DTNA: variants seen among roughly 807,000 people sequenced by gnomAD.
DTNA encodes dystrophin-related protein 3.
DTNA carries 43 observed loss-of-function variants against 100.7 expected under a neutral mutation model. That is an observed-to-expected ratio of 0.43 (90% CI 0.33 to 0.55). The LOEUF is 0.55. Ranked by LOEUF, DTNA falls within the 20% of genes least tolerant of loss-of-function variation. The probability of loss-of-function intolerance (pLI) is 0.04; values close to 1 mark genes in which losing one functional copy is unlikely to be tolerated. For missense variants in DTNA, 798 were observed against 953.9 expected (o/e 0.84, Z 2.15); for synonymous variants, 349 against 347.9 (o/e 1.00, Z -0.04).
At chr18:34,799,333 G>A (rs1315693028) in intron 4 of DTNA, among the ~76,000 whole-genome samples, 1 of 152,124 alleles carries the variant, frequency 6.6e-6, no homozygotes, top group Non-Finnish European at 1.5e-5. Context: ...CAAATGCATG[G>A]ATATGAAATG....
At chr18:34,783,989 AT>A (rs1373883739) in intron 3 of DTNA, among the ~76,000 whole-genome samples, 1 of 152,166 alleles carries the variant, frequency 6.6e-6, no homozygotes, top group African/African-American at 2.4e-5. Flanking sequence ...GTCTAACTCC[AT>A]TCTTTAAGTT....
rs1228479839 is a variant in DTNA, at chr18:34,879,685, A to G, written c.2128A>G (p.Ser710Gly). The G allele has an allele frequency of 3.7e-6, 6 of 1,614,004 alleles. No homozygotes were observed. The highest frequency in any genetic ancestry group is 2.7e-5 in the African/African-American group (2 of 74,906). ...TGCCCGAAAACCTGGGTACATTCAC[A>G]GTGGAGCTACCACAAGTACCATGCG... ...IHARKPGYIHSGATTSTMRGD... is the reference protein window; with the variant it reads ...IHARKPGYIHGGATTSTMRGD... The change falls in exon 20 of 23, where the codon AGT becomes GGT. Residue 710 changes from serine (S) to glycine (G), a missense_variant. By Grantham distance (56) the Ser-to-Gly change is moderately conservative. This residue lies in a region of DTNA where 242 missense variants were observed against 238.2 expected (regional missense o/e 1.02). Coordinates refer to ENST00000444659, the MANE Select transcript of DTNA (RefSeq NM_001386795.1).
chr18:34,638,090 T>A (rs1054644198), intron 1 of DTNA, among the ~76,000 whole-genome samples: 1 of 152,216 alleles, frequency 6.6e-6, no homozygotes, highest in African/African-American at 2.4e-5. Context: ...AGAAATTAAA[T>A]GAAGTAATGG....
At chr18:34,497,513 C>T (rs1432244352) in intron 1 of DTNA, among the ~76,000 whole-genome samples, 3 of 152,122 alleles carry the variant, frequency 2.0e-5, no homozygotes, top group African/African-American at 7.2e-5. Context: ...GGAGAGTAAC[C>T]TTAACCACTG....
At chr18:34,765,884 G>T in intron 2 of DTNA, 77 bp from the exon 3 acceptor site, 3 of 1,402,244 alleles carry the variant, frequency 2.1e-6, no homozygotes, top group Non-Finnish European at 3.0e-6. Flanking sequence ...CATATCTACA[G>T]TTGTTTTATT....
chr18:34,730,954 C>T (rs1157930886), intron 1 of DTNA, among the ~76,000 whole-genome samples: 2 of 152,104 alleles, frequency 1.3e-5, no homozygotes, highest in African/African-American at 4.8e-5. Flanking sequence ...GCTTTTTTCA[C>T]CCTTCACATA....
chr18:34,667,963 T>A (rs903704719), intron 1 of DTNA, among the ~76,000 whole-genome samples: 1 of 152,196 alleles, frequency 6.6e-6, no homozygotes, highest in Admixed American at 6.5e-5. Context: ...GAGGATTCCC[T>A]CTTTTTCTAT....
chr18:34,889,104 A>G lies in DTNA; in HGVS notation c.*1370A>G. The G allele has an allele frequency of 1.0e-6, 1 of 984,438 alleles. No individual in the cohort carries two copies. The highest frequency in any genetic ancestry group is 4.7e-5 in the South Asian group (1 of 21,248). The allele number at this position is 984,438 out of a possible 1,614,324, so 61.0% of individuals were successfully genotyped here. On this transcript the variant is annotated 3_prime_UTR_variant, in exon 23 of 23. Transcript: ENST00000444659. ...GGAATTCTGGGGAAAAAGAAAAAGT[A>G]ATCTTCTACTTGCTTCAAGATTTGA...
intron 1 of DTNA, among the ~76,000 whole-genome samples, chr18:34,705,233 C>T (rs1184693764): frequency 1.3e-5 from 2 of 152,122 alleles, no homozygotes; most frequent in African/African-American, 2.4e-5. Flanking sequence ...TCCTCAGTAT[C>T]AATTCTGTCT....
intron 3 of DTNA, among the ~76,000 whole-genome samples, chr18:34,777,610 A>G (rs529202504): frequency 6.6e-5 from 10 of 152,298 alleles, no homozygotes; most frequent in Non-Finnish European, 1.3e-4. Flanking sequence ...GGCCTCAGGA[A>G]ACTTACAATC....
upstream of DTNA, among the ~76,000 whole-genome samples, chr18:34,708,564 C>G (rs1446675796): frequency 6.6e-6 from 1 of 152,190 alleles, no homozygotes; most frequent in Non-Finnish European, 1.5e-5. Context: ...TCTGACTGAT[C>G]AGTTGCTCCT....
intron 15 of DTNA, among the ~76,000 whole-genome samples, chr18:34,856,517 G>A (rs575936294): frequency 1.3e-5 from 2 of 152,284 alleles, no homozygotes; most frequent in East Asian, 1.9e-4. Context: ...AAATTATATT[G>A]TATGGGTCAC....
intron 1 of DTNA, among the ~76,000 whole-genome samples, chr18:34,613,304 A>T (rs2054592272): frequency 6.6e-6 from 1 of 152,276 alleles, no homozygotes; most frequent in South Asian, 2.1e-4. Flanking sequence ...ATTCTCTGAG[A>T]CACAGTAATG....
chr18:34,506,634 G>T (rs2144764610), intron 1 of DTNA, among the ~76,000 whole-genome samples: 1 of 152,196 alleles, frequency 6.6e-6, no homozygotes, highest in South Asian at 2.1e-4. Flanking sequence ...GTATGGTTTT[G>T]TTGGCACCCT....
rs575170456 is a variant in DTNA, at chr18:34,806,827, G to A, written c.448+523G>A. Among the ~76,000 whole-genome samples, 32 of 152,288 alleles carry A rather than the reference G, an allele frequency of 2.1e-4. No homozygotes were observed. In the South Asian group the frequency reaches 5.6e-3, roughly 27 times the overall value. ...TTAACTAGATGCCAGTAAAAGCATG[G>A]TAGCTAAAGTACATTGAGTAATTGT... On this transcript the variant is annotated intron_variant, in intron 5 of 22. Coordinates refer to ENST00000444659, the MANE Select transcript of DTNA (RefSeq NM_001386795.1).
intron 1 of DTNA, among the ~76,000 whole-genome samples, chr18:34,580,943 C>A (rs975163058): frequency 6.6e-6 from 1 of 152,168 alleles, no homozygotes; most frequent in African/African-American, 2.4e-5. Context: ...TGTCCACTTG[C>A]AACTGTTGAA....
chr18:34,567,794 A>G (rs1023890464), intron 1 of DTNA, among the ~76,000 whole-genome samples: 1 of 152,196 alleles, frequency 6.6e-6, no homozygotes. Flanking sequence ...CTACTCTTTT[A>G]TATTCACAAA....
chr18:34,864,319 C>T (rs977342965), intron 17 of DTNA, among the ~76,000 whole-genome samples: 3 of 148,392 alleles, frequency 2.0e-5, no homozygotes, highest in Non-Finnish European at 3.0e-5. Context: ...GGCGCAGTCT[C>T]GGCTCACTGC....
chr18:34,545,127 C>T (rs2044637539), intron 1 of DTNA, among the ~76,000 whole-genome samples: 1 of 151,910 alleles, frequency 6.6e-6, no homozygotes. Flanking sequence ...CAATTTAGAG[C>T]TTGTGGGGGC....
Sources: allele counts gnomAD v4.1 joint callset (sites outside exome capture counted in the v4.1 genomes callset), GRCh38; gene constraint gnomAD v4.1.1; regional missense constraint gnomAD v4.1.1; transcripts MANE v1.5; gene names NCBI Gene and HGNC (gene_info 2026-07-23, HGNC 2026-07-21).